Variants in BAZ2B observed in about 807,000 individuals in gnomAD.
BAZ2B encodes bromodomain adjacent to zinc finger domain protein 2B.
A neutral mutation model predicts 246.0 loss-of-function variants in BAZ2B; 91 were observed. That is an observed-to-expected ratio of 0.37 (90% CI 0.31 to 0.44). The LOEUF (loss-of-function observed/expected upper bound fraction) is 0.44. BAZ2B is among the 20% of genes least tolerant of loss of function. The pLI is 1.00. For synonymous variants in BAZ2B, 855 were observed against 860.0 expected, an observed-to-expected ratio of 0.99 and a Z score of 0.10; for missense variants, 2,332 against 2,533.7, an observed-to-expected ratio of 0.92 and a Z score of 1.71.
At chr2:159,504,577 C>T (rs1577886449) in intron 2 of BAZ2B, among the ~76,000 whole-genome samples, 2 of 152,288 alleles carry the variant, frequency 1.3e-5, no homozygotes, top group Middle Eastern at 6.8e-3. Context: ...ATATTTATAT[C>T]AAACTTCTCA....
chr2:159,659,362 T>C, the BAZ2B span, among the ~76,000 whole-genome samples: 1 of 152,200 alleles, frequency 6.6e-6, no homozygotes, highest in Non-Finnish European at 1.5e-5. Context: ...ATATTTAGTG[T>C]CCTTTGTCTT....
At chr2:159,700,816 T>C in the BAZ2B span, among the ~76,000 whole-genome samples, 1 of 151,338 alleles carries the variant, frequency 6.6e-6, no homozygotes, top group African/African-American at 2.5e-5. Flanking sequence ...AATCCAAAGA[T>C]GTGGGACATG....
chr2:159,595,538 T>A (rs1690493170), intron 1 of BAZ2B, among the ~76,000 whole-genome samples: 1 of 152,248 alleles, frequency 6.6e-6, no homozygotes, highest in Admixed American at 6.5e-5. Flanking sequence ...TCTACTAGTC[T>A]GCTAAAATGC....
chr2:159,458,832 CA>C, intron 3 of BAZ2B: 1 of 152,292 alleles, frequency 6.6e-6, no homozygotes, highest in South Asian at 2.1e-4. Flanking sequence ...CAGTATTTCA[CA>C]TGCTTATACT....
chr2:159,707,687 C>CATTTTTGTACAAAA, the BAZ2B span, among the ~76,000 whole-genome samples: 1 of 152,128 alleles, frequency 6.6e-6, no homozygotes, highest in South Asian at 2.1e-4. Flanking sequence ...ATTAGCCAGG[C>CATTTTTGTACAAAA]ATTGTGGTGC....
At position 159,430,952 on chromosome 2, in the gene BAZ2B, C is replaced by T. The variant is rs2302924; in HGVS notation, c.2105G>A (p.Gly702Asp). The T allele has an allele frequency of 3.5e-5, 56 of 1,613,820 alleles. No individual in the cohort carries two copies. The highest frequency in any genetic ancestry group is 4.2e-5 in the Non-Finnish European group (50 of 1,179,898). The change falls in exon 10 of 37, where the codon GGC (glycine) becomes GAC (aspartate). Residue 702 changes from glycine to aspartate, a missense_variant. Physicochemically the swap from Gly to Asp is moderately conservative, Grantham distance 94. Around this residue, in one of 9 missense-constraint regions of BAZ2B, gnomAD observed 651 missense variants for 650.9 expected, o/e 1.00. Coordinates refer to ENST00000392783, the MANE Select transcript of BAZ2B (RefSeq NM_013450.4). ...AGAACATAAGGCAGCAGGAGCAGAGCCTGGGGCTTTTGCTATGTGGAGGTT... is the reference window on the plus strand; with the variant it reads ...AGAACATAAGGCAGCAGGAGCAGAGTCTGGGGCTTTTGCTATGTGGAGGTT... ...PRNLHIAKAP[G>D]SAPAALCSES...
intron 20 of BAZ2B, among the ~76,000 whole-genome samples, chr2:159,391,501 A>G (rs949867058): frequency 6.6e-6 from 1 of 152,140 alleles, no homozygotes; most frequent in African/African-American, 2.4e-5. Flanking sequence ...TGAGACTACT[A>G]GTTACTAAAG....
At chr2:159,705,522 A>T in the BAZ2B span, among the ~76,000 whole-genome samples, 1 of 152,232 alleles carries the variant, frequency 6.6e-6, no homozygotes, top group Non-Finnish European at 1.5e-5. Flanking sequence ...TATATAACAA[A>T]GGTGGTCTTT....
At chr2:159,364,554 G>A (rs916074845) in intron 27 of BAZ2B, among the ~76,000 whole-genome samples, 1 of 152,112 alleles carries the variant, frequency 6.6e-6, no homozygotes, top group African/African-American at 2.4e-5. Context: ...TTTTTCTGTA[G>A]AGATGGGGTT....
At chr2:159,339,420 G>A (rs1244799969) in intron 31 of BAZ2B, among the ~76,000 whole-genome samples, 1 of 152,068 alleles carries the variant, frequency 6.6e-6, no homozygotes, top group Non-Finnish European at 1.5e-5. Context: ...CAAGCACACA[G>A]AAAACTTCCC....
At chr2:159,545,817 G>A (rs1442116312) in intron 2 of BAZ2B, among the ~76,000 whole-genome samples, 1 of 152,132 alleles carries the variant, frequency 6.6e-6, no homozygotes, top group African/African-American at 2.4e-5. Flanking sequence ...CTTAACCTAT[G>A]TATAAACCCC....
chr2:159,561,947 G>A (rs2151503887), intron 1 of BAZ2B, among the ~76,000 whole-genome samples: 2 of 152,274 alleles, frequency 1.3e-5, no homozygotes, highest in Admixed American at 1.3e-4. Context: ...GGAGAACTGA[G>A]TTTTAAACCT....
intron 25 of BAZ2B, among the ~76,000 whole-genome samples, chr2:159,376,327 C>T (rs2061410095): frequency 6.6e-6 from 1 of 151,872 alleles, no homozygotes; most frequent in African/African-American, 2.4e-5. Context: ...TTCCTATAAG[C>T]ATTTATAAAA....
At chr2:159,348,351 A>T (rs1160290381) in intron 30 of BAZ2B, among the ~76,000 whole-genome samples, 1 of 148,022 alleles carries the variant, frequency 6.8e-6, no homozygotes, top group African/African-American at 2.5e-5. Flanking sequence ...AAAAAGGTGT[A>T]CTATTTGCAT....
intron 34 of BAZ2B, among the ~76,000 whole-genome samples, chr2:159,329,020 C>T (rs2148866379): frequency 6.6e-6 from 1 of 151,628 alleles, no homozygotes; most frequent in East Asian, 1.9e-4. Context: ...CTCAGCTATT[C>T]AGGAGGCTGA....
chr2:159,651,817 A>G, the BAZ2B span, among the ~76,000 whole-genome samples: 1 of 152,126 alleles, frequency 6.6e-6, no homozygotes, highest in Non-Finnish European at 1.5e-5. Flanking sequence ...TTTTGTGACT[A>G]GCTCCTTTCA....
At chr2:159,662,447 A>C in the BAZ2B span, among the ~76,000 whole-genome samples, 160 of 152,262 alleles carry the variant, frequency 1.1e-3, no homozygotes, top group Non-Finnish European at 2.2e-3. Flanking sequence ...ACCACTTTAC[A>C]TACCTGCCAG....
In BAZ2B at chr2:159,330,414, T is replaced by G. The variant is rs566903220; in HGVS notation, c.5943+2126A>C. ...CTTAGAAGTCAAGTGAAAATCAATG[T>G]TTCAAAGAGGAGAGAGCGTTCAGTT... On this transcript the variant is annotated intron_variant, in intron 34 of 36. Coordinates refer to ENST00000392783, the MANE Select transcript of BAZ2B (RefSeq NM_013450.4). Among the ~76,000 whole-genome samples the G allele has an allele frequency of 1.2e-4, 18 of 152,246 alleles. No individual in the cohort carries two copies. In the South Asian group the frequency reaches 2.1e-3, roughly 18 times the overall value.
the BAZ2B span, among the ~76,000 whole-genome samples, chr2:159,692,422 C>T: frequency 6.6e-6 from 1 of 152,054 alleles, no homozygotes; most frequent in Non-Finnish European, 1.5e-5. Context: ...CCTCCCAAAG[C>T]GCTGGGATTA....
Sources: allele counts gnomAD v4.1 joint callset (sites outside exome capture counted in the v4.1 genomes callset), GRCh38; gene constraint gnomAD v4.1.1; regional missense constraint gnomAD v4.1.1; transcripts MANE v1.5; gene names NCBI Gene and HGNC (gene_info 2026-07-23, HGNC 2026-07-21).